Variants in RNF152 observed in about 807,000 individuals in gnomAD.
RNF152 encodes the protein ring finger protein 152.
RNF152 carries 11 observed loss-of-function variants against 12.7 expected under a neutral mutation model. That is an observed-to-expected ratio of 0.86 (90% confidence interval 0.54 to 1.43). The LOEUF (loss-of-function observed/expected upper bound fraction) is 1.43, where lower values mean the gene tolerates loss of function less well. Ranked by LOEUF, RNF152 falls within the 40% of genes most tolerant of loss-of-function variation. RNF152 has a pLI of 0.00. For missense variants in RNF152, 255 were observed against 274.8 expected, an observed-to-expected ratio of 0.93 and a Z score of 0.51; for synonymous variants, 113 against 120.3, an observed-to-expected ratio of 0.94 and a Z score of 0.40.
At chr18:61,894,233 T>G (rs1913115922), upstream of RNF152, 1 of 149,676 alleles carries the variant, frequency 6.7e-6, no homozygotes, top group Non-Finnish European at 1.5e-5. The surrounding 1 kb of genome is among the most constrained non-coding windows in gnomAD (Gnocchi z 4.9). Flanking sequence ...GCGCGCCCGC[T>G]CCTTTCAGCC....
Position 61,846,683 on chromosome 18 carries a change from G to C in RNF152, c.-135-30085C>G, listed in dbSNP as rs369686940. Among the ~76,000 whole-genome samples the C allele has an allele frequency of 1.7e-4, 26 of 152,328 alleles. No homozygotes were observed. In the East Asian group the frequency reaches 1.7e-3, roughly 10 times the overall value. On this transcript the variant is annotated intron_variant, in intron 1 of 1. Transcript: ENST00000312828. ...AACACTGGGCAAACACCTGGCACCA[G>C]AAAGGTATTCTGTACATTCTGGGAA...
At chr18:61,830,321 C>T (rs1161589926) in intron 1 of RNF152, among the ~76,000 whole-genome samples, 1 of 152,066 alleles carries the variant, frequency 6.6e-6, no homozygotes, top group Non-Finnish European at 1.5e-5. Context: ...CCACAGTGCC[C>T]AGCCCTTTCC....
At chr18:61,826,615 A>G (rs1422250538) in intron 1 of RNF152, among the ~76,000 whole-genome samples, 3 of 152,162 alleles carry the variant, frequency 2.0e-5, no homozygotes, top group Non-Finnish European at 4.4e-5. Context: ...CGTCCATGAT[A>G]CTGAACCTAA....
chr18:61,887,152 G>A (rs1449188097), intron 1 of RNF152, among the ~76,000 whole-genome samples: 1 of 152,170 alleles, frequency 6.6e-6, no homozygotes, highest in Non-Finnish European at 1.5e-5. Flanking sequence ...GGAAGTTTGG[G>A]GTCAACCTGG....
chr18:61,828,232 C>T (rs1237296599), intron 1 of RNF152, among the ~76,000 whole-genome samples: 3 of 141,912 alleles, frequency 2.1e-5, no homozygotes, highest in Non-Finnish European at 4.9e-5. Context: ...TTTGAGTTTG[C>T]GTTTTTTCTT....
chr18:61,881,207 C>G (rs767893541), intron 1 of RNF152, among the ~76,000 whole-genome samples: 1 of 152,164 alleles, frequency 6.6e-6, no homozygotes, highest in East Asian at 1.9e-4. Context: ...CCACCGCACC[C>G]GGCCTTCTCT....
chr18:61,845,920 T>TGG (rs139879390), intron 1 of RNF152, among the ~76,000 whole-genome samples: 38 of 149,496 alleles, frequency 2.5e-4, no homozygotes, highest in African/African-American at 3.2e-4. Context: ...GGGCTTTGTG[T>TGG]GGGGGGGCGT....
At chr18:61,822,416 C>T (rs752544235) in intron 1 of RNF152, among the ~76,000 whole-genome samples, 5 of 152,182 alleles carry the variant, frequency 3.3e-5, no homozygotes, top group African/African-American at 7.2e-5. Flanking sequence ...TAACAATTTA[C>T]TTTCACAAAA....
At chr18:61,865,330 G>A (rs1055552768) in intron 1 of RNF152, among the ~76,000 whole-genome samples, 1 of 152,056 alleles carries the variant, frequency 6.6e-6, no homozygotes, top group African/African-American at 2.4e-5. Context: ...AGATTTAAAT[G>A]TCTACTTATT....
rs996840761 is a variant in RNF152, at chr18:61,813,099, G to A, written c.*2753C>T. 6.6e-6 allele frequency: 1 copy of A among 152,152 alleles called. No homozygotes were observed. The highest frequency in any genetic ancestry group is 1.5e-5 in the Non-Finnish European group (1 of 68,036). The allele number at this position is 152,152 out of a possible 1,614,324, so 9.4% of individuals were successfully genotyped here. A position where few individuals can be genotyped will look rare whatever the true frequency, so the allele number is the denominator to read the frequency against. ...GTTGTGACTTTTCATTAATGTGCAA[G>A]TATGAATCCTGGCCTCTTGTGTCAG... is the stretch of plus-strand genomic sequence containing the variant. On this transcript the variant is annotated 3_prime_UTR_variant, in exon 2 of 2. Coordinates refer to ENST00000312828, the MANE Select transcript of RNF152 (RefSeq NM_173557.3).
intron 1 of RNF152, among the ~76,000 whole-genome samples, chr18:61,891,835 A>C (rs58844907): frequency 0.18 from 27,395 of 152,196 alleles, 2,926 homozygotes; most frequent in African/African-American, 0.29. Flanking sequence ...ACAGATACCA[A>C]GGTGTTACTG....
intron 1 of RNF152, among the ~76,000 whole-genome samples, chr18:61,859,615 A>G (rs894571777): frequency 2.0e-5 from 3 of 152,226 alleles, no homozygotes; most frequent in African/African-American, 7.2e-5. Flanking sequence ...ACGGTGGCTC[A>G]TGCCTGCAAT....
At chr18:61,837,881 G>T (rs543794733) in intron 1 of RNF152, among the ~76,000 whole-genome samples, 1 of 152,210 alleles carries the variant, frequency 6.6e-6, no homozygotes, top group African/African-American at 2.4e-5. Context: ...TTCAGACTTT[G>T]CAGGGATAGC....
chr18:61,841,710 A>G (rs1343366289), intron 1 of RNF152, among the ~76,000 whole-genome samples: 1 of 152,244 alleles, frequency 6.6e-6, no homozygotes, highest in Non-Finnish European at 1.5e-5. Flanking sequence ...ATGGAGTGCA[A>G]TCACTTAAGC....
chr18:61,889,499 T>C (rs1016395716), intron 1 of RNF152, among the ~76,000 whole-genome samples: 1 of 152,172 alleles, frequency 6.6e-6, no homozygotes, highest in African/African-American at 2.4e-5. Context: ...TTGCAATGCC[T>C]ATTCCATAGC....
chr18:61,848,595 G>A (rs1344152350), intron 1 of RNF152, among the ~76,000 whole-genome samples: 4 of 152,228 alleles, frequency 2.6e-5, no homozygotes, highest in Non-Finnish European at 4.4e-5. Context: ...GGCTTCGGAA[G>A]GAACTGTACG....
chr18:61,814,270 C>T lies in RNF152; in HGVS notation c.*1582G>A, dbSNP rs1038149737. On this transcript the variant is annotated 3_prime_UTR_variant, in exon 2 of 2. Transcript: ENST00000312828. The stretch of plus-strand genomic sequence containing the variant: ...TGACCTCACAGGGCTATTTTCTAGC[C>T]TTGCTTTTTGGAATTAGCCCTGCTT... 7 of 152,190 alleles carry T rather than the reference C, an allele frequency of 4.6e-5. No homozygotes were observed. The highest frequency in any genetic ancestry group is 9.7e-5 in the African/African-American group (4 of 41,442). The allele number at this position is 152,190 out of a possible 1,614,324, so 9.4% of individuals were successfully genotyped here.
rs755304938 is a variant in RNF152 at position 61,808,658 on chromosome 18, AAC to A, written c.*7192_*7193del. ...ACACCCATGACTGTTGAGTGAGGCA[AAC>A]ACAAACAAGTGGTGAAATGAAAAAA... On this transcript the variant is annotated 3_prime_UTR_variant, in exon 2 of 2. Coordinates refer to ENST00000312828, the MANE Select transcript of RNF152 (RefSeq NM_173557.3). 5.9e-5 allele frequency: 9 copies of A among 152,186 alleles called. No homozygotes were observed. The highest frequency in any genetic ancestry group is 1.3e-4 in the Admixed American group (2 of 15,284). The allele number at this position is 152,186 out of a possible 1,614,324, so 9.4% of individuals were successfully genotyped here.
Position 61,811,060 on chromosome 18 carries a change from A to G in RNF152, c.*4792T>C, listed in dbSNP as rs75860267. ...TTAGTATCTTGGCAAAAAAAAAAAAATTAAATGATTTTTAAAGGCAAGCTA... is the reference window on the plus strand; with the variant it reads ...TTAGTATCTTGGCAAAAAAAAAAAAGTTAAATGATTTTTAAAGGCAAGCTA... On this transcript the variant is annotated 3_prime_UTR_variant, in exon 2 of 2. Coordinates refer to ENST00000312828, the MANE Select transcript of RNF152 (RefSeq NM_173557.3). 2 of 151,248 alleles carry G rather than the reference A, an allele frequency of 1.3e-5. No individual in the cohort carries two copies. Among genetic ancestry groups the G allele is most frequent in the Admixed American group, 6.6e-5 (1 of 15,190 alleles). The allele number at this position is 151,248 out of a possible 1,614,324, so 9.4% of individuals were successfully genotyped here. A position where few individuals can be genotyped will look rare whatever the true frequency, so the allele number is the denominator to read the frequency against.
Sources: gnomAD v4.1 joint callset for allele counts (sites outside exome capture counted in the v4.1 genomes callset) on GRCh38, gnomAD v4.1.1 for gene constraint, Gnocchi (gnomAD v3.1) non-coding constraint, MANE v1.5 for transcripts, NCBI Gene and HGNC (gene_info 2026-07-23, HGNC 2026-07-21) for gene names.